Variants in TF observed in about 807,000 individuals in gnomAD.
The protein encoded by TF is transferrin, also known as serotransferrin.
Under a neutral mutation model 82.4 loss-of-function variants are expected in TF, and 55 were observed. The ratio of observed to expected loss-of-function variants is 0.67; its 90% confidence interval spans 0.54 to 0.84. The LOEUF is 0.84. Among genes scored for constraint, TF ranks in the 40% least tolerant of loss-of-function variants. TF has a pLI of 0.00. For missense variants in TF, 737 were observed against 868.4 expected, an observed-to-expected ratio of 0.85 and a Z score of 1.90; for synonymous variants, 332 against 332.6, an observed-to-expected ratio of 1.00 and a Z score of 0.02.
intron 11 of TF, 136 bp downstream of exon 11, chr3:133,765,043 T>A (rs868010203): frequency 4.7e-6 from 4 of 846,564 alleles, no homozygotes; most frequent in Middle Eastern, 5.6e-4. Context: ...CATGGAAGGA[T>A]AGTAATGGAT....
chr3:133,756,387 C>T, intron 6 of TF, 50 bp downstream of exon 6: 1 of 1,573,760 alleles, frequency 6.4e-7, no homozygotes, highest in Non-Finnish European at 8.7e-7. Flanking sequence ...AGTGGGTGTT[C>T]TTTTTCTGTG....
Position 133,778,662 on chromosome 3 carries a change from G to T in TF, c.*42G>T. 6.2e-7 allele frequency: 1 copy of T among 1,609,220 alleles called. No homozygotes were observed. Among genetic ancestry groups the T allele is most frequent in the Non-Finnish European group, 8.5e-7 (1 of 1,176,912 alleles). On this transcript the variant is annotated 3_prime_UTR_variant, in exon 17 of 17. Coordinates refer to ENST00000402696, the MANE Select transcript of TF (RefSeq NM_001063.4). ...CTGCCACCAAGGTGAAGATGGGAAC[G>T]CAGATGATCCATGAGTTTGCCCTGG...
intron 14 of TF, chr3:133,774,283 A>G (rs1054554763): frequency 6.6e-6 from 1 of 152,216 alleles, no homozygotes; most frequent in African/African-American, 2.4e-5. Context: ...AAGCACAATT[A>G]TATGCCAGTA....
intron 15 of TF, among the ~76,000 whole-genome samples, chr3:133,776,796 T>G (rs1411221261): frequency 1.3e-5 from 2 of 151,688 alleles, no homozygotes; most frequent in Non-Finnish European, 2.9e-5. Context: ...GGCATGGGTG[T>G]GGGTGGGAGG....
chr3:133,740,986 ATTTTTTTTTTTTTTT>A, the TF span, among the ~76,000 whole-genome samples: 2 of 47,452 alleles, frequency 4.2e-5, no homozygotes, highest in Non-Finnish European at 3.6e-5. Flanking sequence ...ATCCAGCTCT[ATTTTTTTTTTTTTTT>A]TTTTTTTTGA....
chr3:133,777,547 G>C (rs540031638), intron 16 of TF: 4 of 301,806 alleles, frequency 1.3e-5, no homozygotes, highest in South Asian at 1.1e-4. Context: ...CTTTTGATTA[G>C]AGTTGCCTTG....
At chr3:133,723,638 T>TATTATTATTATTAC in the TF span, among the ~76,000 whole-genome samples, 1,828 of 77,108 alleles carry the variant, frequency 0.024, 121 homozygotes, top group Admixed American at 0.15. Flanking sequence ...TTTGGTTCTT[T>TATTATTATTATTAC]TATTATTATT....
At chr3:133,695,245 CT>C in the TF span, among the ~76,000 whole-genome samples, 43,558 of 99,806 alleles carry the variant, frequency 0.44, 6,931 homozygotes, top group Admixed American at 0.48. Flanking sequence ...GGAGCTGGTT[CT>C]TTTTTTTTTT....
chr3:133,746,357 G>A (rs8177186), upstream of TF: 39 of 1,501,158 alleles, frequency 2.6e-5, no homozygotes, highest in Non-Finnish European at 3.2e-5. Context: ...CCCAGGCCGG[G>A]AATGGAATAA....
the TF span, among the ~76,000 whole-genome samples, chr3:133,733,961 A>C: frequency 6.6e-6 from 1 of 152,166 alleles, no homozygotes; most frequent in Non-Finnish European, 1.5e-5. Context: ...TGAAGCAGGC[A>C]GTGGGAGGAT....
chr3:133,667,319 T>TGCA, the TF span, among the ~76,000 whole-genome samples: 1 of 146,214 alleles, frequency 6.8e-6, no homozygotes, highest in African/African-American at 2.6e-5. Context: ...ATCTCACTAT[T>TGCA]GCACTCTAGC....
chr3:133,670,288 A>G, the TF span, among the ~76,000 whole-genome samples: 1 of 152,256 alleles, frequency 6.6e-6, no homozygotes, highest in African/African-American at 2.4e-5. Flanking sequence ...AGCACTTAGT[A>G]CAATGCCTGG....
chr3:133,745,037 T>C (rs1933463462), upstream of TF, among the ~76,000 whole-genome samples: 1 of 152,222 alleles, frequency 6.6e-6, no homozygotes. Context: ...CTTTGTGGTT[T>C]GTATGTGCCC....
At chr3:133,676,085 C>A in the TF span, among the ~76,000 whole-genome samples, 1 of 152,070 alleles carries the variant, frequency 6.6e-6, no homozygotes. Flanking sequence ...GGGTTTTTCT[C>A]GCCTCAAACT....
chr3:133,714,395 C>A, the TF span, among the ~76,000 whole-genome samples: 1,417 of 152,304 alleles, frequency 9.3e-3, 14 homozygotes, highest in Non-Finnish European at 0.016. Context: ...ATTCCACTAC[C>A]AGACTACTTT....
the TF span, among the ~76,000 whole-genome samples, chr3:133,729,880 A>G: frequency 1.3e-5 from 2 of 151,710 alleles, no homozygotes; most frequent in African/African-American, 2.4e-5. Flanking sequence ...TGTTTTCCTG[A>G]TTTCATTGAA....
chr3:133,666,999 G>A, the TF span, among the ~76,000 whole-genome samples: 81 of 151,474 alleles, frequency 5.3e-4, no homozygotes, highest in Non-Finnish European at 9.6e-4. Flanking sequence ...TCGTGCCACT[G>A]CACTCCAACC....
chr3:133,670,453 T>A, the TF span, among the ~76,000 whole-genome samples: 1 of 152,248 alleles, frequency 6.6e-6, no homozygotes, highest in Non-Finnish European at 1.5e-5. Flanking sequence ...GCACTTTGGA[T>A]GTCCTATCTT....
chr3:133,736,437 C>G, the TF span, among the ~76,000 whole-genome samples: 1 of 151,994 alleles, frequency 6.6e-6, no homozygotes, highest in African/African-American at 2.4e-5. Context: ...ATGACAGGAT[C>G]AAATTCACAC....
Sources: gnomAD v4.1 joint callset for allele counts (sites outside exome capture counted in the v4.1 genomes callset) on GRCh38, gnomAD v4.1.1 for gene constraint, MANE v1.5 for transcripts, NCBI Gene and HGNC (gene_info 2026-07-23, HGNC 2026-07-21) for gene names.